The following TGFBR3 variants were observed in gnomAD, a reference collection of about 807,000 sequenced individuals.
The protein encoded by TGFBR3 is transforming growth factor beta receptor type 3.
A neutral mutation model predicts 87.9 loss-of-function variants in TGFBR3; 46 were observed. That is an observed-to-expected ratio of 0.52 (90% CI 0.41 to 0.67). The LOEUF (loss-of-function observed/expected upper bound fraction) is 0.67, where lower values mean the gene tolerates loss of function less well. Ranked by LOEUF, TGFBR3 falls within the 30% of genes least tolerant of loss-of-function variation. TGFBR3 has a pLI of 0.00. For missense variants in TGFBR3, 866 were observed against 1,041.9 expected, an observed-to-expected ratio of 0.83 and a Z score of 2.32; for synonymous variants, 381 against 391.6, an observed-to-expected ratio of 0.97 and a Z score of 0.32.
chr1:91,809,221 T>C (rs1302149131), intron 2 of TGFBR3, among the ~76,000 whole-genome samples: 3 of 152,216 alleles, frequency 2.0e-5, no homozygotes, highest in Non-Finnish European at 2.9e-5. Flanking sequence ...GATTTGTACC[T>C]AAGATGATCA....
rs749978314 is a variant in TGFBR3 at position 91,766,198 on chromosome 1, C to CTTTTT, written c.247-7453_247-7449dup. On this transcript the variant is annotated intron_variant, in intron 3 of 16. Transcript: ENST00000212355. ...CACCATAACCAGCTAAGTTTGTTTT[C>CTTTTT]TTTTTTTTTTTTTTTTTTTGTAGAG... Among the ~76,000 whole-genome samples the CTTTTT allele has an allele frequency of 4.6e-3, 522 of 114,372 alleles. 1 individual carries two copies. The highest frequency in any genetic ancestry group is 5.4e-3 in the African/African-American group (156 of 28,986). The allele number at this position is 114,372 out of a possible 152,430, so 75.0% of individuals were successfully genotyped here. A position where few individuals can be genotyped will look rare whatever the true frequency, so the allele number is the denominator to read the frequency against.
At chr1:91,813,658 G>A (rs977016926) in intron 2 of TGFBR3, among the ~76,000 whole-genome samples, 11 of 152,156 alleles carry the variant, frequency 7.2e-5, no homozygotes, top group African/African-American at 2.4e-4. Context: ...AGGTCAGTAC[G>A]AATGATCTAC....
intron 12 of TGFBR3, among the ~76,000 whole-genome samples, chr1:91,713,499 T>G (rs139829882): frequency 3.1e-4 from 47 of 152,266 alleles, no homozygotes; most frequent in African/African-American, 1.0e-3. Flanking sequence ...CAAAATAAAC[T>G]TAAACACTTG....
intron 2 of TGFBR3, among the ~76,000 whole-genome samples, chr1:91,830,765 C>A (rs1383792994): frequency 6.6e-6 from 1 of 152,146 alleles, no homozygotes; most frequent in Non-Finnish European, 1.5e-5. Flanking sequence ...CTCCTTGTGG[C>A]TTCAACAGTC....
At chr1:91,886,247 G>A (rs1156887901), upstream of TGFBR3, 3 of 442,616 alleles carry the variant, frequency 6.8e-6, no homozygotes, top group Non-Finnish European at 1.4e-5. Flanking sequence ...CGGGGGGAAG[G>A]GCGCTCCTCC....
chr1:91,862,326 T>C (rs1383410901), intron 1 of TGFBR3, among the ~76,000 whole-genome samples: 1 of 152,172 alleles, frequency 6.6e-6, no homozygotes, highest in Non-Finnish European at 1.5e-5. Flanking sequence ...CAGCACTGAT[T>C]AGAGACTCAA....
intron 16 of TGFBR3, among the ~76,000 whole-genome samples, chr1:91,686,315 T>C (rs1186808186): frequency 2.0e-5 from 3 of 152,220 alleles, no homozygotes; most frequent in Non-Finnish European, 4.4e-5. Flanking sequence ...GGAACTCTTG[T>C]TCTGGTAATG....
At chr1:91,706,765 T>A (rs1286523399) in intron 14 of TGFBR3, among the ~76,000 whole-genome samples, 2 of 152,218 alleles carry the variant, frequency 1.3e-5, no homozygotes. Context: ...AACCCTCTAT[T>A]GGGGTCTGAA....
chr1:91,867,662 T>G (rs1678436865), intron 1 of TGFBR3, among the ~76,000 whole-genome samples: 1 of 152,170 alleles, frequency 6.6e-6, no homozygotes, highest in South Asian at 2.1e-4. Context: ...AGAACCACCT[T>G]TTCACATTTA....
chr1:91,794,072 T>A (rs1675287428), intron 3 of TGFBR3, among the ~76,000 whole-genome samples: 1 of 152,206 alleles, frequency 6.6e-6, no homozygotes, highest in African/African-American at 2.4e-5. Flanking sequence ...ACGGTTTTTT[T>A]AAATAGTTTC....
chr1:91,746,593 A>G (rs1231217631), intron 4 of TGFBR3, among the ~76,000 whole-genome samples: 1 of 152,214 alleles, frequency 6.6e-6, no homozygotes, highest in Non-Finnish European at 1.5e-5. Flanking sequence ...GTGCTCCTGG[A>G]GAACCCCACA....
At chr1:91,810,144 T>C (rs1675979382) in intron 2 of TGFBR3, among the ~76,000 whole-genome samples, 1 of 152,144 alleles carries the variant, frequency 6.6e-6, no homozygotes, top group Non-Finnish European at 1.5e-5. Flanking sequence ...CTGCAACCTC[T>C]ACCTTCCAGG....
At position 91,766,587 on chromosome 1, in the gene TGFBR3, T is replaced by G. The variant is rs1172927471; in HGVS notation, c.247-7837A>C. 2.5e-5 allele frequency among the ~76,000 whole-genome samples: 2 copies of G among 79,316 alleles called. 1 individual carries two copies. Among genetic ancestry groups the G allele is most frequent in the African/African-American group, 9.7e-5 (2 of 20,696 alleles). The allele number at this position is 79,316 out of a possible 152,430, so 52.0% of individuals were successfully genotyped here. On this transcript the variant is annotated intron_variant, in intron 3 of 16. Coordinates refer to ENST00000212355, the MANE Select transcript of TGFBR3 (RefSeq NM_003243.5). ...TGAGTACTGGAGTAATCATTCCACC[T>G]GCTACGTGCAGTCAGAGATTGAAGC...
chr1:91,778,500 C>A (rs998557916), intron 3 of TGFBR3, among the ~76,000 whole-genome samples: 1 of 152,156 alleles, frequency 6.6e-6, no homozygotes, highest in African/African-American at 2.4e-5. Context: ...GTCTTCTATA[C>A]CTTGAAGCCT....
intron 2 of TGFBR3, among the ~76,000 whole-genome samples, chr1:91,832,254 T>C (rs1157290406): frequency 6.6e-6 from 1 of 152,174 alleles, no homozygotes; most frequent in Non-Finnish European, 1.5e-5. Context: ...GAAGTGTAAA[T>C]GGAAAAACAG....
chr1:91,749,888 C>T (rs570473254), intron 4 of TGFBR3, among the ~76,000 whole-genome samples: 2 of 152,296 alleles, frequency 1.3e-5, no homozygotes, highest in East Asian at 3.9e-4. Context: ...AGGCTGGCCA[C>T]CACGTCAACA....
chr1:91,873,796 A>C (rs2101249996), intron 1 of TGFBR3, among the ~76,000 whole-genome samples: 1 of 152,266 alleles, frequency 6.6e-6, no homozygotes, highest in South Asian at 2.1e-4. Context: ...AAAATACAAA[A>C]AAAATTGGCT....
chr1:91,698,842 C>A (rs560917360), intron 14 of TGFBR3, among the ~76,000 whole-genome samples: 1 of 152,194 alleles, frequency 6.6e-6, no homozygotes, highest in Non-Finnish European at 1.5e-5. Flanking sequence ...TACACATTTT[C>A]TAAAAGTATC....
chr1:91,898,009 A>C (rs1007409696), intron 2 of TGFBR3, among the ~76,000 whole-genome samples: 1 of 150,870 alleles, frequency 6.6e-6, no homozygotes, highest in Non-Finnish European at 1.5e-5. Context: ...GCAATATAGC[A>C]AGACCTCAGT....
Sources: gnomAD v4.1 joint callset for allele counts (sites outside exome capture counted in the v4.1 genomes callset) on GRCh38, gnomAD v4.1.1 for gene constraint, MANE v1.5 for transcripts, NCBI Gene and HGNC (gene_info 2026-07-23, HGNC 2026-07-21) for gene names.